The following TCF20 variants were observed in gnomAD, a reference collection of about 807,000 sequenced individuals.
TCF20 encodes the protein transcription factor 20, also known as SPRE-binding protein.
Under a neutral mutation model 148.6 loss-of-function variants are expected in TCF20, and 3 were observed. The ratio of observed to expected loss-of-function variants is 0.02; its 90% CI spans 0.01 to 0.05. The LOEUF (loss-of-function observed/expected upper bound fraction) is 0.05, where lower values mean the gene tolerates loss of function less well. TCF20 is among the 10% of genes least tolerant of loss of function. The pLI is 1.00. For missense variants in TCF20, 2,350 were observed against 2,429.3 expected (o/e 0.97, Z 0.69); for synonymous variants, 1,049 against 909.5 (o/e 1.15, Z -2.76).
At chr22:42,333,708 T>TACTA (rs1282619036) in intron 1 of TCF20, among the ~76,000 whole-genome samples, 324 of 152,320 alleles carry the variant, frequency 2.1e-3, no homozygotes, top group African/African-American at 7.0e-3. Flanking sequence ...CTCCACGCAG[T>TACTA]AGGTACTAAG....
intron 1 of TCF20, among the ~76,000 whole-genome samples, chr22:42,333,149 GC>G (rs1207846700): frequency 2.7e-4 from 41 of 152,390 alleles, no homozygotes; most frequent in Middle Eastern, 3.4e-3. Context: ...GGCAGGAGCT[GC>G]CCCACTGTGC....
At chr22:42,246,908 G>A (rs1489240042) in intron 1 of TCF20, among the ~76,000 whole-genome samples, 2 of 150,796 alleles carry the variant, frequency 1.3e-5, no homozygotes, top group Non-Finnish European at 2.9e-5. Context: ...AGGGGTTGCA[G>A]TGAGCCGAGA....
chr22:42,238,988 G>A (rs567910796), intron 1 of TCF20, among the ~76,000 whole-genome samples: 51 of 151,972 alleles, frequency 3.4e-4, no homozygotes, highest in Non-Finnish European at 1.2e-4. Context: ...TGTGATGGCG[G>A]GCACCTGTAG....
intron 1 of TCF20, among the ~76,000 whole-genome samples, chr22:42,309,519 C>T (rs958401262): frequency 2.4e-4 from 36 of 152,050 alleles, no homozygotes; most frequent in Non-Finnish European, 3.8e-4. Flanking sequence ...ACCTCGCCCC[C>T]GCTGCCCCAG....
intron 1 of TCF20, among the ~76,000 whole-genome samples, chr22:42,328,855 G>C (rs969592227): frequency 1.3e-5 from 2 of 152,202 alleles, no homozygotes; most frequent in African/African-American, 4.8e-5. Flanking sequence ...GGGCATCCCC[G>C]GTGAAAGTCA....
chr22:42,323,944 A>ATGGAGGTTATGGTGGTGGTGGTGGTGG (rs1927799091), intron 1 of TCF20, among the ~76,000 whole-genome samples: 1 of 12,414 alleles, frequency 8.1e-5, no homozygotes, highest in African/African-American at 3.1e-4. Context: ...GGTGGTGGTG[A>ATGGAGGTTATGGTGGTGGTGGTGGTGG]TGGAGGTTAT....
rs1926551549 is a variant in TCF20 at position 42,270,488 on chromosome 22, C to T, written c.-186G>A. On this transcript the variant is annotated 5_prime_UTR_variant, in exon 1 of 6. Transcript: ENST00000677622. ...CGCCCGGGCCGGCGGCGGGGCGGGC[C>T]GGGGCCGCGGCCCCTCGAGGCTCGC... is the stretch of plus-strand genomic sequence containing the variant. 1.4e-5 allele frequency among the ~76,000 whole-genome samples: 2 copies of T among 141,348 alleles called. No individual in the cohort carries two copies. The highest frequency in any genetic ancestry group is 2.5e-5 in the African/African-American group (1 of 39,566). 92.7% of individuals were successfully genotyped at this position (141,348 alleles called of 152,430 possible).
chr22:42,167,295 C>T (rs1403093276), intron 5 of TCF20, among the ~76,000 whole-genome samples: 3 of 152,184 alleles, frequency 2.0e-5, no homozygotes, highest in Admixed American at 1.3e-4. Flanking sequence ...AGCCGAGGGG[C>T]CTTCTCCGGA....
At chr22:42,250,982 G>A (rs922957884) in intron 1 of TCF20, among the ~76,000 whole-genome samples, 1 of 152,128 alleles carries the variant, frequency 6.6e-6, no homozygotes, top group African/African-American at 2.4e-5. Flanking sequence ...ACCGTCTCGA[G>A]GACAGCATCA....
At chr22:42,167,927 C>T (rs5758622) in intron 5 of TCF20, among the ~76,000 whole-genome samples, 26,844 of 150,558 alleles carry the variant, frequency 0.18, 2,683 homozygotes, top group East Asian at 0.34. Context: ...CAGGGTCTCA[C>T]TGTTGCCCAG....
At chr22:42,207,751 G>A (rs886132434) in intron 2 of TCF20, among the ~76,000 whole-genome samples, 1 of 152,200 alleles carries the variant, frequency 6.6e-6, no homozygotes, top group Non-Finnish European at 1.5e-5. Flanking sequence ...GGAAGCGGAG[G>A]TTGCGGTGAG....
At chr22:42,218,081 AT>A (rs1921986428) in intron 1 of TCF20, among the ~76,000 whole-genome samples, 1 of 152,244 alleles carries the variant, frequency 6.6e-6, no homozygotes, top group African/African-American at 2.4e-5. Context: ...AGCTATTCAA[AT>A]GGTGATGATG....
chr22:42,185,952 T>G (rs990447336), intron 2 of TCF20, among the ~76,000 whole-genome samples: 3 of 152,234 alleles, frequency 2.0e-5, no homozygotes, highest in Non-Finnish European at 4.4e-5. Flanking sequence ...TGTCCAGTTC[T>G]TCTCAGGTCC....
chr22:42,248,269 A>AT (rs1925085830), intron 1 of TCF20, among the ~76,000 whole-genome samples: 1 of 152,208 alleles, frequency 6.6e-6, no homozygotes, highest in Non-Finnish European at 1.5e-5. Flanking sequence ...CAAAGTATAC[A>AT]TTTTACACTA....
Position 42,292,916 on chromosome 22 carries a change from C to T in TCF20, c.-37+50563G>A, listed in dbSNP as rs566641029. Among the ~76,000 whole-genome samples, 1 of 150,864 alleles carries T rather than the reference C, an allele frequency of 6.6e-6. No homozygotes were observed. Among genetic ancestry groups the T allele is most frequent in the Non-Finnish European group, 1.5e-5 (1 of 67,736 alleles). ...CGCTGGATACTAGATCCCACATCCC[C>T]CTCCCACTCTGTCCTGCCCACCAGG... On this transcript the variant is annotated intron_variant, in intron 1 of 1. Coordinates refer to the TCF20 transcript ENST00000515426. The surrounding 1 kb of genome is among the most constrained non-coding windows in gnomAD (Gnocchi z 4.9).
intron 1 of TCF20, among the ~76,000 whole-genome samples, chr22:42,237,102 G>A (rs1350677890): frequency 6.8e-6 from 1 of 147,808 alleles, no homozygotes; most frequent in Non-Finnish European, 1.5e-5. Context: ...CCTTTTCTAA[G>A]AGATTTTTCT....
chr22:42,289,134 C>T (rs773493616), intron 1 of TCF20, among the ~76,000 whole-genome samples: 1 of 152,244 alleles, frequency 6.6e-6, no homozygotes, highest in Non-Finnish European at 1.5e-5. Flanking sequence ...ACCAGTTTCA[C>T]CTGGTCTCCA....
chr22:42,255,129 C>G (rs978330860), intron 1 of TCF20, among the ~76,000 whole-genome samples: 17 of 152,120 alleles, frequency 1.1e-4, no homozygotes, highest in African/African-American at 4.1e-4. Flanking sequence ...ACACTATCTC[C>G]TAACTTTTTT....
At position 42,292,497 on chromosome 22, in the gene TCF20, G is replaced by A. The variant is rs1240679456; in HGVS notation, c.-37+50982C>T. On this transcript the variant is annotated intron_variant, in intron 1 of 1. Transcript: ENST00000515426. The surrounding 1 kb of genome is among the most constrained non-coding windows in gnomAD (Gnocchi z 4.9). ...ACCCAGCACATACGCTGAGGATAGG[G>A]ACATAACAAGGGCTCAGCCTGGCCC... 1.3e-5 allele frequency among the ~76,000 whole-genome samples: 2 copies of A among 152,210 alleles called. No individual in the cohort carries two copies. The highest frequency in any genetic ancestry group is 2.9e-5 in the Non-Finnish European group (2 of 68,032).
Sources: gnomAD v4.1 joint callset for allele counts (sites outside exome capture counted in the v4.1 genomes callset) on GRCh38, gnomAD v4.1.1 for gene constraint, Gnocchi (gnomAD v3.1) non-coding constraint, MANE v1.5 for transcripts, NCBI Gene and HGNC (gene_info 2026-07-23, HGNC 2026-07-21) for gene names.